FOXN3: variants seen among roughly 807,000 people sequenced by gnomAD.
FOXN3 encodes forkhead box protein N3.
Under a neutral mutation model 38.4 loss-of-function variants are expected in FOXN3, and 7 were observed. The ratio of observed to expected loss-of-function variants is 0.18; its 90% CI spans 0.10 to 0.34. The LOEUF (loss-of-function observed/expected upper bound fraction) is 0.34. FOXN3 is among the 10% of genes least tolerant of loss of function. The pLI is 1.00. For synonymous variants in FOXN3, 230 were observed against 242.2 expected, an observed-to-expected ratio of 0.95 and a Z score of 0.47; for missense variants, 456 against 613.4, an observed-to-expected ratio of 0.74 and a Z score of 2.71.
intron 2 of FOXN3, among the ~76,000 whole-genome samples, chr14:89,375,580 CAAAT>C (rs1277911613): frequency 1.3e-5 from 2 of 151,932 alleles, no homozygotes; most frequent in African/African-American, 4.8e-5. Context: ...TAGAATAAAG[CAAAT>C]AAATGTGTTC....
chr14:89,582,823 T>C (rs1014809487), intron 1 of FOXN3, among the ~76,000 whole-genome samples: 1 of 152,258 alleles, frequency 6.6e-6, no homozygotes, highest in African/African-American at 2.4e-5. Context: ...TCTGTCCTTA[T>C]AGATGAGTCT....
intron 4 of FOXN3, among the ~76,000 whole-genome samples, chr14:89,235,027 G>GT (rs1235001309): frequency 1.1e-4 from 17 of 152,078 alleles, no homozygotes; most frequent in African/African-American, 4.1e-4. Flanking sequence ...GATGATACTC[G>GT]TAACTTTATG....
chr14:89,390,837 A>G (rs908425006), intron 2 of FOXN3, among the ~76,000 whole-genome samples: 11 of 152,168 alleles, frequency 7.2e-5, no homozygotes, highest in Non-Finnish European at 1.5e-4. Flanking sequence ...GACCCTCTCT[A>G]AGGCCAAGTT....
intron 1 of FOXN3, among the ~76,000 whole-genome samples, chr14:89,442,856 A>G (rs1952182): frequency 0.66 from 100,153 of 152,162 alleles, 33,277 homozygotes; most frequent in Middle Eastern, 0.81. Flanking sequence ...TGTTCAAACC[A>G]AAATGGTGAA....
At chr14:89,440,927 T>C (rs1596274696) in intron 1 of FOXN3, among the ~76,000 whole-genome samples, 1 of 152,242 alleles carries the variant, frequency 6.6e-6, no homozygotes, top group East Asian at 1.9e-4. Context: ...TGATGCTAAC[T>C]AGGCTGTAGC....
intron 2 of FOXN3, among the ~76,000 whole-genome samples, chr14:89,382,022 G>A (rs960625639): frequency 6.6e-6 from 1 of 151,968 alleles, no homozygotes; most frequent in Non-Finnish European, 1.5e-5. Flanking sequence ...TTGGCCCCTT[G>A]AGTCCATCAT....
intron 1 of FOXN3, among the ~76,000 whole-genome samples, chr14:89,564,546 G>C (rs1026819542): frequency 6.6e-6 from 1 of 152,156 alleles, no homozygotes; most frequent in Non-Finnish European, 1.5e-5. Flanking sequence ...GACAGAGCAA[G>C]CTCTGAATGT....
intron 3 of FOXN3, among the ~76,000 whole-genome samples, chr14:89,309,651 C>T (rs754712525): frequency 4.6e-5 from 7 of 152,118 alleles, no homozygotes; most frequent in Non-Finnish European, 8.8e-5. Context: ...TCTGGGTGTG[C>T]GTTTTAACCC....
chr14:89,491,023 G>A (rs895886912), intron 1 of FOXN3, among the ~76,000 whole-genome samples: 1 of 152,128 alleles, frequency 6.6e-6, no homozygotes, highest in Non-Finnish European at 1.5e-5. Flanking sequence ...GGCCCAGGCT[G>A]GAGTGCAATG....
At chr14:89,324,217 A>G (rs1469223728) in intron 3 of FOXN3, among the ~76,000 whole-genome samples, 1 of 152,226 alleles carries the variant, frequency 6.6e-6, no homozygotes, top group Non-Finnish European at 1.5e-5. Flanking sequence ...ATGGGCATCA[A>G]AGAAATCTGC....
intron 5 of FOXN3, among the ~76,000 whole-genome samples, chr14:89,173,395 T>C (rs892321095): frequency 1.3e-5 from 2 of 152,344 alleles, no homozygotes; most frequent in Non-Finnish European, 2.9e-5. Flanking sequence ...TACAAAACAA[T>C]GTGGCATTAC....
chr14:89,284,059 C>A (rs1266318811), intron 3 of FOXN3, among the ~76,000 whole-genome samples: 3 of 152,166 alleles, frequency 2.0e-5, no homozygotes, highest in Non-Finnish European at 4.4e-5. Context: ...CAGGGTTTCA[C>A]CAACTGATTT....
intron 1 of FOXN3, among the ~76,000 whole-genome samples, chr14:89,443,225 G>T (rs1300021153): frequency 1.3e-5 from 2 of 152,174 alleles, no homozygotes; most frequent in African/African-American, 4.8e-5. Context: ...TTTTAAACGT[G>T]CAACAGGGAA....
intron 3 of FOXN3, among the ~76,000 whole-genome samples, chr14:89,328,051 A>G (rs1465576326): frequency 1.3e-5 from 2 of 152,246 alleles, no homozygotes; most frequent in Non-Finnish European, 2.9e-5. Flanking sequence ...ACTGTGTTTC[A>G]GTACTTCAAT....
intron 3 of FOXN3, among the ~76,000 whole-genome samples, chr14:89,293,314 C>T (rs1886933990): frequency 6.6e-6 from 1 of 152,302 alleles, no homozygotes; most frequent in East Asian, 1.9e-4. Flanking sequence ...AGTGTCTATT[C>T]GTTTGCTGGG....
chr14:89,437,114 A>C (rs1181080055), intron 1 of FOXN3, among the ~76,000 whole-genome samples: 1 of 152,256 alleles, frequency 6.6e-6, no homozygotes, highest in East Asian at 1.9e-4. Flanking sequence ...GGAAGGTTGC[A>C]GTGAGCCAAG....
chr14:89,619,071 G>C (rs1198990094), exon 1 of FOXN3: 1 of 152,318 alleles, frequency 6.6e-6, no homozygotes, highest in African/African-American at 2.4e-5. Flanking sequence ...GCCGCATTGG[G>C]GGGCTGCGGC....
intron 3 of FOXN3, among the ~76,000 whole-genome samples, chr14:89,292,065 A>C (rs553194805): frequency 6.6e-6 from 1 of 151,868 alleles, no homozygotes; most frequent in Admixed American, 6.6e-5. Flanking sequence ...AGGCACCGTC[A>C]CCTCCTCTTT....
At chr14:89,422,290 C>T (rs1159596491) in intron 1 of FOXN3, among the ~76,000 whole-genome samples, 2 of 152,210 alleles carry the variant, frequency 1.3e-5, no homozygotes, top group Non-Finnish European at 1.5e-5. Flanking sequence ...CTGCAGGGCC[C>T]ACCCCCAGAG....
Sources: gnomAD v4.1 joint callset for allele counts (sites outside exome capture counted in the v4.1 genomes callset) on GRCh38, gnomAD v4.1.1 for gene constraint, MANE v1.5 for transcripts, NCBI Gene and HGNC (gene_info 2026-07-23, HGNC 2026-07-21) for gene names.